Variants in LARP4B observed in about 807,000 individuals in gnomAD.
LARP4B encodes the protein La ribonucleoprotein 4B.
A neutral mutation model predicts 89.8 loss-of-function variants in LARP4B; 12 were observed. That is an observed-to-expected ratio of 0.13 (90% confidence interval 0.09 to 0.22). LARP4B has a LOEUF of 0.22. Ranked by LOEUF, LARP4B falls within the 10% of genes least tolerant of loss-of-function variation. The pLI, the probability that LARP4B is intolerant of heterozygous loss-of-function variation, is 1.00. For missense variants in LARP4B, 757 were observed against 947.7 expected (o/e 0.80, Z 2.64); for synonymous variants, 367 against 363.3 (o/e 1.01, Z -0.12).
rs184876726 is a variant in LARP4B at position 810,128 on chromosome 10, T to C, written c.*2798A>G. On this transcript the variant is annotated 3_prime_UTR_variant, in exon 18 of 18. Transcript: ENST00000316157. ...ATGCCATTTGTCACTGCTGCATCTC[T>C]GATTCTATAACCTGAGATACTGCTG... 2.8e-4 allele frequency: 42 copies of C among 152,150 alleles called. No individual in the cohort carries two copies. The highest frequency in any genetic ancestry group is 1.0e-3 in the African/African-American group (42 of 41,484). 9.4% of individuals were successfully genotyped at this position (152,150 alleles called of 1,614,324 possible).
chr10:808,787 T>A (rs1564370742), downstream of LARP4B: 1 of 151,200 alleles, frequency 6.6e-6, no homozygotes, highest in African/African-American at 2.4e-5. Flanking sequence ...ACACACACAC[T>A]ATTAACTTTA....
chr10:834,495 C>G (rs1833090937), intron 8 of LARP4B, among the ~76,000 whole-genome samples: 2 of 152,302 alleles, frequency 1.3e-5, no homozygotes, highest in Non-Finnish European at 2.9e-5. Context: ...AACTCCTAGC[C>G]TACATTTCTA....
chr10:936,949 G>A, the LARP4B span, among the ~76,000 whole-genome samples: 2 of 152,194 alleles, frequency 1.3e-5, no homozygotes, highest in South Asian at 4.1e-4. Flanking sequence ...AGAAATATAC[G>A]TGAGTGGGTA....
intron 3 of LARP4B, among the ~76,000 whole-genome samples, chr10:868,070 C>G (rs1388259791): frequency 6.6e-6 from 1 of 151,748 alleles, no homozygotes; most frequent in Non-Finnish European, 1.5e-5. Context: ...ACAATATGCT[C>G]CACTTTGAAA....
At chr10:955,537 T>G in the LARP4B span, among the ~76,000 whole-genome samples, 1 of 152,226 alleles carries the variant, frequency 6.6e-6, no homozygotes, top group Non-Finnish European at 1.5e-5. The surrounding 1 kb of genome is among the most constrained non-coding windows in gnomAD (Gnocchi z 5.2). Context: ...TCCTCGCTCC[T>G]AACACTCAGA....
At chr10:945,664 G>C in the LARP4B span, among the ~76,000 whole-genome samples, 1 of 150,742 alleles carries the variant, frequency 6.6e-6, no homozygotes. Flanking sequence ...CTCCAGCCTG[G>C]GCAACAGAGC....
intron 8 of LARP4B, among the ~76,000 whole-genome samples, chr10:835,080 C>T (rs1413857847): frequency 6.6e-6 from 1 of 151,028 alleles, no homozygotes; most frequent in Admixed American, 6.6e-5. Flanking sequence ...GCTGGTCCTT[C>T]ATATTCAGAC....
chr10:916,622 G>C (rs1377770775), intron 1 of LARP4B, among the ~76,000 whole-genome samples: 1 of 152,220 alleles, frequency 6.6e-6, no homozygotes, highest in Non-Finnish European at 1.5e-5. Flanking sequence ...TTGAATCTGT[G>C]AGGTGGAGGT....
intron 1 of LARP4B, among the ~76,000 whole-genome samples, chr10:917,342 T>C (rs1836848817): frequency 6.6e-6 from 1 of 152,254 alleles, no homozygotes; most frequent in African/African-American, 2.4e-5. Flanking sequence ...TTCTCCAAAA[T>C]GTATAAACTA....
chr10:982,440 T>C, the LARP4B span, among the ~76,000 whole-genome samples: 1 of 152,158 alleles, frequency 6.6e-6, no homozygotes, highest in South Asian at 2.1e-4. Flanking sequence ...CTAGACCACA[T>C]TTTCTCATGG....
intron 1 of LARP4B, among the ~76,000 whole-genome samples, chr10:893,854 G>A (rs1836111707): frequency 1.3e-5 from 2 of 152,132 alleles, no homozygotes; most frequent in Non-Finnish European, 2.9e-5. Flanking sequence ...CAGCAATCAT[G>A]AGAGCTACCA....
At chr10:938,858 C>T in the LARP4B span, among the ~76,000 whole-genome samples, 1 of 152,106 alleles carries the variant, frequency 6.6e-6, no homozygotes, top group Non-Finnish European at 1.5e-5. Flanking sequence ...ACACATTCTG[C>T]AGTTATTTAT....
At chr10:971,444 AACT>A in the LARP4B span, 1 of 152,212 alleles carries the variant, frequency 6.6e-6, no homozygotes, top group African/African-American at 2.4e-5. Flanking sequence ...AAGTGGCCCA[AACT>A]ATTTTATAAC....
At chr10:893,203 T>C (rs1836088009) in intron 1 of LARP4B, among the ~76,000 whole-genome samples, 1 of 152,024 alleles carries the variant, frequency 6.6e-6, no homozygotes, top group African/African-American at 2.4e-5. Flanking sequence ...AGTGAGCCAC[T>C]ACTGTGCCTG....
the LARP4B span, among the ~76,000 whole-genome samples, chr10:944,837 G>T: frequency 6.6e-6 from 1 of 152,128 alleles, no homozygotes; most frequent in Non-Finnish European, 1.5e-5. Context: ...TCAAGTCGGC[G>T]TCTAAAGGCG....
At chr10:933,751 G>C (rs1830714664), upstream of LARP4B, among the ~76,000 whole-genome samples, 1 of 152,124 alleles carries the variant, frequency 6.6e-6, no homozygotes, top group East Asian at 1.9e-4. Context: ...ATAACCTACA[G>C]GAGCTTACTC....
the LARP4B span, among the ~76,000 whole-genome samples, chr10:945,888 C>T: frequency 6.6e-6 from 1 of 152,154 alleles, no homozygotes; most frequent in South Asian, 2.1e-4. Flanking sequence ...CAGCAGAGCC[C>T]TCTGTCATGG....
In LARP4B at chr10:813,801, C is replaced by CT. The variant is rs35886091; in HGVS notation, c.1930-589dup. Among the ~76,000 whole-genome samples, 1,276 of 136,254 alleles carry CT rather than the reference C, an allele frequency of 9.4e-3. 11 individuals are homozygous for CT. Among genetic ancestry groups the CT allele is most frequent in the African/African-American group, 0.024 (894 of 37,756 alleles). 89.4% of individuals were successfully genotyped at this position (136,254 alleles called of 152,430 possible). ...AAAAGTAAAATATTTCCCTTAATAA[C>CT]TTTTTTTTTTTTTTTTTTGAGACAC... On this transcript the variant is annotated intron_variant, in intron 17 of 17. Transcript: ENST00000316157.
At chr10:883,438 G>A (rs1835747214) in intron 3 of LARP4B, among the ~76,000 whole-genome samples, 1 of 152,154 alleles carries the variant, frequency 6.6e-6, no homozygotes, top group South Asian at 2.1e-4. Flanking sequence ...TTGAACCCAG[G>A]AGGCGGAGGT....
Sources: allele counts gnomAD v4.1 joint callset (sites outside exome capture counted in the v4.1 genomes callset), GRCh38; gene constraint gnomAD v4.1.1; non-coding constraint Gnocchi (gnomAD v3.1); transcripts MANE v1.5; gene names NCBI Gene and HGNC (gene_info 2026-07-23, HGNC 2026-07-21).